NAV1: variants seen among roughly 807,000 people sequenced by gnomAD.
NAV1 encodes pore membrane and/or filament interacting like protein 3.
Under a neutral mutation model 175.2 loss-of-function variants are expected in NAV1, and 18 were observed. The ratio of observed to expected loss-of-function variants is 0.10; its 90% CI spans 0.07 to 0.15. The LOEUF is 0.15. Ranked by LOEUF, NAV1 falls within the 10% of genes least tolerant of loss-of-function variation. The probability of loss-of-function intolerance (pLI) is 1.00; values close to 1 mark genes in which losing one functional copy is unlikely to be tolerated. For synonymous variants in NAV1, 897 were observed against 978.7 expected (o/e 0.92, Z 1.56); for missense variants, 1,731 against 2,436.6 (o/e 0.71, Z 6.10).
At chr1:201,630,578 G>A (rs1668457295) in intron 2 of NAV1, among the ~76,000 whole-genome samples, 1 of 152,172 alleles carries the variant, frequency 6.6e-6, no homozygotes. Context: ...CTATAGCAGT[G>A]ATCTTGGAGC....
In NAV1 at chr1:201,812,333, A is replaced by G; in HGVS notation, c.5025-132A>G. The G allele has an allele frequency of 1.1e-6, 1 of 872,692 alleles. No individual in the cohort carries two copies. Among genetic ancestry groups the G allele is most frequent in the Non-Finnish European group, 1.8e-6 (1 of 563,254 alleles). The allele number at this position is 872,692 out of a possible 1,614,324, so 54.1% of individuals were successfully genotyped here. A position where few individuals can be genotyped will look rare whatever the true frequency, so the allele number is the denominator to read the frequency against. On this transcript the variant is annotated intron_variant, in intron 26 of 29. Transcript: ENST00000367296. The surrounding 1 kb of genome is among the most constrained non-coding windows in gnomAD (Gnocchi z 4.6). ...TGCTGCTCTGAGTTCCGATGTCCCCACTATTACTTGAAAAGAAACCAAGTA... is the reference window on the plus strand; with the variant it reads ...TGCTGCTCTGAGTTCCGATGTCCCCGCTATTACTTGAAAAGAAACCAAGTA...
At chr1:201,735,149 C>G (rs1673058111) in intron 3 of NAV1, among the ~76,000 whole-genome samples, 1 of 152,146 alleles carries the variant, frequency 6.6e-6, no homozygotes, top group African/African-American at 2.4e-5. Flanking sequence ...TTCAAACTCT[C>G]CCATCTACCT....
chr1:201,710,385 C>T (rs959043584), intron 1 of NAV1, among the ~76,000 whole-genome samples: 3 of 151,718 alleles, frequency 2.0e-5, no homozygotes, highest in Non-Finnish European at 2.9e-5. Context: ...CTCTTGGGCT[C>T]AAGTGATCTT....
At chr1:201,681,342 A>C (rs895760049) in intron 1 of NAV1, among the ~76,000 whole-genome samples, 3 of 152,180 alleles carry the variant, frequency 2.0e-5, no homozygotes, top group African/African-American at 7.2e-5. Flanking sequence ...AATCTAGGAA[A>C]CTCTGGGTTG....
At chr1:201,761,281 G>A (rs527748205) in intron 3 of NAV1, among the ~76,000 whole-genome samples, 3 of 152,328 alleles carry the variant, frequency 2.0e-5, no homozygotes, top group South Asian at 4.1e-4. Context: ...GTCAAAAAGC[G>A]GGGAATAATG....
chr1:201,647,147 T>TGA (rs1669003447), upstream of NAV1, among the ~76,000 whole-genome samples: 1 of 152,222 alleles, frequency 6.6e-6, no homozygotes, highest in Non-Finnish European at 1.5e-5. Context: ...CACTTTCTCC[T>TGA]GAGAGCCTTT....
chr1:201,707,990 T>C (rs1185813951), intron 1 of NAV1, among the ~76,000 whole-genome samples: 4 of 152,218 alleles, frequency 2.6e-5, no homozygotes, highest in Non-Finnish European at 4.4e-5. Flanking sequence ...TTAAATAACA[T>C]GGAAAATGCC....
exon 1 of NAV1, chr1:201,623,030 G>A (rs1211561724): frequency 3.0e-6 from 3 of 985,914 alleles, no homozygotes; most frequent in Admixed American, 6.1e-5. Context: ...CTGGCCCTGA[G>A]CCCACAGAGA....
intron 2 of NAV1, among the ~76,000 whole-genome samples, chr1:201,714,100 G>A (rs573965727): frequency 6.6e-6 from 1 of 152,256 alleles, no homozygotes; most frequent in South Asian, 2.1e-4. Flanking sequence ...TAGTAGAGAT[G>A]GGGTTTCACC....
At position 201,781,005 on chromosome 1, in the gene NAV1, TC is replaced by T. The variant is rs745679229; in HGVS notation, c.1366-6del. 3.8e-6 allele frequency: 6 copies of T among 1,586,628 alleles called. No homozygotes were observed. Reference sequence around the variant, plus strand: ...TATCTCACTCTGCCTTTTTCTCTTTTCTTTAGCTACGCACAGACTCAGAGAA... The same window carrying T: ...TATCTCACTCTGCCTTTTTCTCTTTTTTTAGCTACGCACAGACTCAGAGAA... On this transcript the variant is annotated splice_polypyrimidine_tract_variant and splice_region_variant and intron_variant, in intron 4 of 29. Coordinates refer to ENST00000367296, the Ensembl canonical transcript of NAV1.
chr1:201,571,964 A>C (rs1305247043), intron 1 of NAV1, among the ~76,000 whole-genome samples: 2 of 152,214 alleles, frequency 1.3e-5, no homozygotes, highest in Admixed American at 6.5e-5. Flanking sequence ...TAATGTGCCT[A>C]ATGCACCCAT....
intron 1 of NAV1, among the ~76,000 whole-genome samples, chr1:201,707,693 C>T (rs1237336644): frequency 6.6e-6 from 1 of 152,232 alleles, no homozygotes; most frequent in Non-Finnish European, 1.5e-5. Flanking sequence ...TTACATCATC[C>T]TCACAGTGCA....
intron 1 of NAV1, among the ~76,000 whole-genome samples, chr1:201,701,009 C>CAAAAAAAAAAAAAA (rs386369321): frequency 3.8e-5 from 2 of 52,742 alleles, no homozygotes; most frequent in Non-Finnish European, 3.0e-5. Context: ...GACTCTGTCT[C>CAAAAAAAAAAAAAA]AAAAAAAAAA....
intron 1 of NAV1, among the ~76,000 whole-genome samples, chr1:201,546,389 C>A (rs115691980): frequency 7.9e-4 from 120 of 152,286 alleles, no homozygotes; most frequent in African/African-American, 2.8e-3. Flanking sequence ...AGGGCCCATG[C>A]GCAGTTCCCA....
rs371123171 is a variant in NAV1, at chr1:201,782,788, G to A, written c.2276G>A (p.Gly759Asp). The change falls in exon 6 of 30, where the codon GGC becomes GAC. Residue 759 changes from glycine to aspartate, a missense_variant. Around this residue, in one of 13 missense-constraint regions of NAV1, gnomAD observed 634 missense variants for 766.8 expected, o/e 0.83. Coordinates refer to ENST00000367296, the Ensembl canonical transcript of NAV1. The surrounding 1 kb of genome is among the most constrained non-coding windows in gnomAD (Gnocchi z 5.4). ...GACAACATCTCCTTGAAGAGTATTG[G>A]CTCCCCAGAAAGTACTCCCAAGAAC... 8 of 1,613,648 alleles carry A rather than the reference G, an allele frequency of 5.0e-6. No individual in the cohort carries two copies. The highest frequency in any genetic ancestry group is 6.8e-6 in the Non-Finnish European group (8 of 1,179,848).
At chr1:201,590,829 G>C (rs1667168869) in intron 2 of NAV1, among the ~76,000 whole-genome samples, 1 of 152,190 alleles carries the variant, frequency 6.6e-6, no homozygotes, top group South Asian at 2.1e-4. Context: ...AATGGGGTGG[G>C]ATAGGTGTTA....
chr1:201,602,302 A>C (rs1667540531), intron 2 of NAV1, among the ~76,000 whole-genome samples: 2 of 152,160 alleles, frequency 1.3e-5, no homozygotes, highest in African/African-American at 4.8e-5. Flanking sequence ...TTGTTCTTAA[A>C]GTTGCAATTC....
chr1:201,811,836 G>C, intron 25 of NAV1, 67 bp from the exon 30 acceptor site: 2 of 1,611,662 alleles, frequency 1.2e-6, no homozygotes, highest in Non-Finnish European at 1.7e-6. Flanking sequence ...TATGAGTTGT[G>C]TGCATGTGGC....
chr1:201,591,392 G>A (rs1283989951), intron 2 of NAV1, among the ~76,000 whole-genome samples: 1 of 152,136 alleles, frequency 6.6e-6, no homozygotes, highest in Non-Finnish European at 1.5e-5. Flanking sequence ...GGTGAGGAGA[G>A]GAAGGGCTGT....
Sources: allele counts gnomAD v4.1 joint callset (sites outside exome capture counted in the v4.1 genomes callset), GRCh38; gene constraint gnomAD v4.1.1; regional missense constraint gnomAD v4.1.1; non-coding constraint Gnocchi (gnomAD v3.1); transcripts MANE v1.5; gene names NCBI Gene and HGNC (gene_info 2026-07-23, HGNC 2026-07-21).